The following CEACAM7 variants were observed in gnomAD, a reference collection of about 807,000 sequenced individuals.
CEACAM7 encodes cell adhesion molecule CEACAM7.
CEACAM7 carries 24 observed loss-of-function variants against 25.7 expected under a neutral mutation model. That is an observed-to-expected ratio of 0.93 (90% CI 0.68 to 1.31). The LOEUF (loss-of-function observed/expected upper bound fraction) is 1.31, where lower values mean the gene tolerates loss of function less well. Ranked by LOEUF, CEACAM7 falls within the 40% of genes most tolerant of loss-of-function variation. The probability of loss-of-function intolerance (pLI) is 0.00; values close to 1 mark genes in which losing one functional copy is unlikely to be tolerated. For synonymous variants in CEACAM7, 144 were observed against 129.4 expected, an observed-to-expected ratio of 1.11 and a Z score of -0.77; for missense variants, 324 against 330.1, an observed-to-expected ratio of 0.98 and a Z score of 0.14.
At chr19:41,686,564 G>A (rs2072226949) in intron 2 of CEACAM7, among the ~76,000 whole-genome samples, 2 of 152,154 alleles carry the variant, frequency 1.3e-5, no homozygotes, top group African/African-American at 4.8e-5. Context: ...CAGTTCTCCA[G>A]GGTCTTTTTC....
chr19:41,675,398 C>T (rs1312609574), intron 4 of CEACAM7, among the ~76,000 whole-genome samples: 1 of 152,160 alleles, frequency 6.6e-6, no homozygotes, highest in African/African-American at 2.4e-5. Context: ...TTTAAAGAAT[C>T]ATCAAAACTT....
At position 41,674,644 on chromosome 19, in the gene CEACAM7, TC is replaced by T; in HGVS notation, c.*131del. The T allele has an allele frequency of 2.9e-6, 1 of 350,498 alleles. No homozygotes were observed. Among genetic ancestry groups the T allele is most frequent in the South Asian group, 2.3e-5 (1 of 42,858 alleles). 21.7% of individuals were successfully genotyped at this position (350,498 alleles called of 1,614,324 possible). On this transcript the variant is annotated 3_prime_UTR_variant, in exon 5 of 5. Transcript: ENST00000401731. ...TGAAATTTACATTGAGTTGTCCACC[TC>T]CAGCTTATAGGTCTTCAGGAAGAGA...
In CEACAM7 at chr19:41,674,269, T is replaced by A. The variant is rs1449641065; in HGVS notation, c.*507A>T. On this transcript the variant is annotated 3_prime_UTR_variant, in exon 5 of 5. Transcript: ENST00000401731. ...TAAACAGTTGTATTAGGGATGTTGT[T>A]AAAGTTAGCCACTGGGCAGAATAAA... 1 of 152,496 alleles carries A rather than the reference T, an allele frequency of 6.6e-6. No homozygotes were observed. The highest frequency in any genetic ancestry group is 1.5e-5 in the Non-Finnish European group (1 of 68,236). 9.4% of individuals were successfully genotyped at this position (152,496 alleles called of 1,614,324 possible). A position where few individuals can be genotyped will look rare whatever the true frequency, so the allele number is the denominator to read the frequency against.
chr19:41,674,927 A>G (rs1423954729), intron 4 of CEACAM7, among the ~76,000 whole-genome samples, 188 bp from the exon 5 acceptor site: 6 of 152,174 alleles, frequency 3.9e-5, no homozygotes, highest in Non-Finnish European at 5.9e-5. Flanking sequence ...GATTCTTTAT[A>G]TAAGAAGTAT....
At chr19:41,675,652 A>C (rs558477111) in intron 4 of CEACAM7, among the ~76,000 whole-genome samples, 1 of 152,344 alleles carries the variant, frequency 6.6e-6, no homozygotes, top group Admixed American at 6.5e-5. Context: ...ACCATTTCCA[A>C]GTGCTTTTAG....
At chr19:41,685,191 A>C (rs2122731282) in intron 2 of CEACAM7, among the ~76,000 whole-genome samples, 1 of 152,334 alleles carries the variant, frequency 6.6e-6, no homozygotes, top group Admixed American at 6.5e-5. Flanking sequence ...TGGGGACTGC[A>C]CACCTGTCCT....
chr19:41,681,409 C>G (rs2072174715), intron 3 of CEACAM7, among the ~76,000 whole-genome samples: 1 of 152,168 alleles, frequency 6.6e-6, no homozygotes, highest in Admixed American at 6.5e-5. Context: ...CCATTTGATG[C>G]AGCAATTCCA....
chr19:41,679,475 G>A (rs1214786406), intron 3 of CEACAM7, among the ~76,000 whole-genome samples: 1 of 152,132 alleles, frequency 6.6e-6, no homozygotes, highest in Admixed American at 6.5e-5. Flanking sequence ...TCATACTCCA[G>A]GGAGAAAGAC....
At chr19:41,677,067 T>C (rs550387558) in intron 4 of CEACAM7, among the ~76,000 whole-genome samples, 36 of 152,160 alleles carry the variant, frequency 2.4e-4, no homozygotes, top group Non-Finnish European at 4.6e-4. Flanking sequence ...TGTTGAGGTT[T>C]ATGGGAATGG....
Position 41,685,923 on chromosome 19 carries a change from G to A in CEACAM7, c.427+936C>T, listed in dbSNP as rs140148668. On this transcript the variant is annotated intron_variant, in intron 2 of 4. Coordinates refer to ENST00000401731, the MANE Select transcript of CEACAM7 (RefSeq NM_001291485.2). The stretch of plus-strand genomic sequence containing the variant: ...GGACTCTGATGTGACTGTCCGGTCC[G>A]TGAGACCCTGCCTCAGTGGCTGTAT... 3.6e-3 allele frequency among the ~76,000 whole-genome samples: 549 copies of A among 152,276 alleles called. 4 individuals carry two copies. The highest frequency in any genetic ancestry group is 0.013 in the African/African-American group (522 of 41,536).
intron 2 of CEACAM7, among the ~76,000 whole-genome samples, chr19:41,686,393 T>G (rs1253501732): frequency 6.6e-6 from 1 of 152,134 alleles, no homozygotes; most frequent in Non-Finnish European, 1.5e-5. Context: ...AAATCCTTGC[T>G]CTCAGTCAGT....
At chr19:41,686,223 G>T (rs1165734828) in intron 2 of CEACAM7, among the ~76,000 whole-genome samples, 1 of 152,030 alleles carries the variant, frequency 6.6e-6, no homozygotes, top group Non-Finnish European at 1.5e-5. Flanking sequence ...CCTCTCTTAA[G>T]TTCCTCATCC....
Position 41,677,510 on chromosome 19 carries a change from T to C in CEACAM7, c.707-7A>G, listed in dbSNP as rs191529782. 4 of 1,607,646 alleles carry C rather than the reference T, an allele frequency of 2.5e-6. No individual in the cohort carries two copies. Among genetic ancestry groups the C allele is most frequent in the South Asian group, 1.1e-5 (1 of 90,690 alleles). On this transcript the variant is annotated splice_region_variant and splice_polypyrimidine_tract_variant and intron_variant, in intron 3 of 4. Coordinates refer to ENST00000401731, the MANE Select transcript of CEACAM7 (RefSeq NM_001291485.2). ...CTTGCTTGTACTGACTCATCTGCCA[T>C]GGAAAGAAAAGAGAAGGAATGAAGT...
At chr19:41,675,081 C>G (rs2072101094) in intron 4 of CEACAM7, among the ~76,000 whole-genome samples, 1 of 152,200 alleles carries the variant, frequency 6.6e-6, no homozygotes, top group Non-Finnish European at 1.5e-5. Flanking sequence ...GCCTGCAGTA[C>G]CTCAGTACCT....
chr19:41,686,202 C>T (rs531405159), intron 2 of CEACAM7, among the ~76,000 whole-genome samples: 3 of 152,290 alleles, frequency 2.0e-5, no homozygotes, highest in East Asian at 3.9e-4. Context: ...AGGACACTGA[C>T]TCCCCTAGGA....
chr19:41,680,166 G>C (rs1242354503), intron 3 of CEACAM7, among the ~76,000 whole-genome samples: 1 of 150,872 alleles, frequency 6.6e-6, no homozygotes, highest in East Asian at 1.9e-4. Flanking sequence ...AATCTGAAAA[G>C]AAATTAAGAA....
rs782307166 is a variant in CEACAM7, at chr19:41,683,814, C to A, written c.677G>T (p.Arg226Leu). 3 of 1,614,176 alleles carry A rather than the reference C, an allele frequency of 1.9e-6. No individual in the cohort carries two copies. Among genetic ancestry groups the A allele is most frequent in the Middle Eastern group, 1.6e-4 (1 of 6,062 alleles). ...GACATTCAGGGTGACTGGGTCACTG[C>A]GGCTGGCACCCACTGGGTTCTGTAT... The part of the protein sequence containing the change: ...CEIQNPVGAS[R>L]SDPVTLNVRY... The change falls in exon 3 of 5, where the codon CGC becomes CTC. Residue 226 changes from arginine (R) to leucine (L), a missense_variant. Coordinates refer to ENST00000401731, the MANE Select transcript of CEACAM7 (RefSeq NM_001291485.2).
At chr19:41,680,378 C>T (rs1555810567) in intron 3 of CEACAM7, among the ~76,000 whole-genome samples, 1 of 151,970 alleles carries the variant, frequency 6.6e-6, no homozygotes, top group Admixed American at 6.6e-5. Context: ...GCAATCCCTA[C>T]CAGAATCCCA....
At chr19:41,681,057 T>C (rs1268239759) in intron 3 of CEACAM7, among the ~76,000 whole-genome samples, 1 of 152,094 alleles carries the variant, frequency 6.6e-6, no homozygotes, top group Non-Finnish European at 1.5e-5. Context: ...TATAAAGAAC[T>C]AATATAACTC....
Sources: gnomAD v4.1 joint callset for allele counts (sites outside exome capture counted in the v4.1 genomes callset) on GRCh38, gnomAD v4.1.1 for gene constraint, MANE v1.5 for transcripts, NCBI Gene and HGNC (gene_info 2026-07-23, HGNC 2026-07-21) for gene names.